The following MKX variants were observed in gnomAD, a reference collection of about 807,000 sequenced individuals.
MKX encodes the protein mohawk homeobox, also known as homeobox protein Mohawk.
A neutral mutation model predicts 36.0 loss-of-function variants in MKX; 13 were observed. The ratio of observed to expected loss-of-function variants is 0.36; its 90% CI spans 0.24 to 0.57. MKX has a LOEUF of 0.57. Among genes scored for constraint, MKX ranks in the 20% least tolerant of loss-of-function variants. MKX has a pLI of 0.79. For missense variants in MKX, 458 were observed against 456.4 expected (o/e 1.00, Z -0.03); for synonymous variants, 176 against 178.3 (o/e 0.99, Z 0.10).
At chr10:27,711,481 T>TTCTCTC (rs1439624521) in intron 5 of MKX, among the ~76,000 whole-genome samples, 7 of 17,682 alleles carry the variant, frequency 4.0e-4, no homozygotes, top group Non-Finnish European at 1.1e-3. Context: ...CTTTCTTTCT[T>TTCTCTC]TCTCTCTCTC....
Position 27,695,962 on chromosome 10 carries a change from T to C in MKX, c.839-20408A>G, listed in dbSNP as rs559509901. 7.6e-4 allele frequency among the ~76,000 whole-genome samples: 115 copies of C among 152,028 alleles called. 1 individual carries two copies. The highest frequency in any genetic ancestry group is 2.7e-3 in the African/African-American group (113 of 41,394). On this transcript the variant is annotated intron_variant, in intron 5 of 6. Transcript: ENST00000419761. ...GGAAATTCCATGCTAACTTTAGTAG[T>C]TATAAAGACACAGAGAAAAATAATA...
At chr10:27,683,680 C>T (rs144303919) in intron 5 of MKX, among the ~76,000 whole-genome samples, 9 of 152,324 alleles carry the variant, frequency 5.9e-5, no homozygotes, top group East Asian at 1.9e-4. Context: ...GCAGAGCCTG[C>T]GTCTAGTGTG....
In MKX at chr10:27,743,446, C is replaced by A. The variant is rs545803611; in HGVS notation, c.-31G>T. 1.2e-5 allele frequency: 18 copies of A among 1,511,388 alleles called. No homozygotes were observed. The highest frequency in any genetic ancestry group is 1.6e-5 in the Non-Finnish European group (18 of 1,133,928). The allele number at this position is 1,511,388 out of a possible 1,614,324, so 93.6% of individuals were successfully genotyped here. A position where few individuals can be genotyped will look rare whatever the true frequency, so the allele number is the denominator to read the frequency against. On this transcript the variant is annotated 5_prime_UTR_variant, in exon 2 of 7. Transcript: ENST00000419761. ...CGGTTGGTAGGGACGCGCGGCGCGG[C>A]CGCAGAGCCTCGGGGCTGGGCCGCC... is the stretch of plus-strand genomic sequence containing the variant.
rs938020107 is a variant in MKX at position 27,741,714 on chromosome 10, G to A, written c.189-210C>T. On this transcript the variant is annotated intron_variant, in intron 2 of 6. Coordinates refer to ENST00000419761, the MANE Select transcript of MKX (RefSeq NM_173576.3). The surrounding 1 kb of genome is among the most constrained non-coding windows in gnomAD (Gnocchi z 5.1). ...GAGATCATTTCGATAGGTTTATCTTGAATAGGGGGATACCTTGAACCCAAT... is the reference window on the plus strand; with the variant it reads ...GAGATCATTTCGATAGGTTTATCTTAAATAGGGGGATACCTTGAACCCAAT... 1.3e-5 allele frequency among the ~76,000 whole-genome samples: 2 copies of A among 152,248 alleles called. No individual in the cohort carries two copies. Among genetic ancestry groups the A allele is most frequent in the African/African-American group, 4.8e-5 (2 of 41,472 alleles).
At chr10:27,700,138 A>G (rs2132524362) in intron 5 of MKX, among the ~76,000 whole-genome samples, 1 of 152,358 alleles carries the variant, frequency 6.6e-6, no homozygotes, top group Non-Finnish European at 1.5e-5. Flanking sequence ...TTGAAACATA[A>G]ATATTTCATT....
At chr10:27,722,266 C>T (rs1341401028) in intron 5 of MKX, among the ~76,000 whole-genome samples, 1 of 152,156 alleles carries the variant, frequency 6.6e-6, no homozygotes, top group African/African-American at 2.4e-5. Context: ...TACCTGTCAC[C>T]AGGGAGGTTT....
intron 5 of MKX, among the ~76,000 whole-genome samples, chr10:27,677,847 T>C (rs1357827112): frequency 6.6e-6 from 1 of 152,162 alleles, no homozygotes; most frequent in African/African-American, 2.4e-5. Context: ...TAGGGATCCT[T>C]TGGGGGAAAT....
At chr10:27,691,241 T>G (rs897675295) in intron 5 of MKX, among the ~76,000 whole-genome samples, 2 of 152,146 alleles carry the variant, frequency 1.3e-5, no homozygotes, top group African/African-American at 4.8e-5. Context: ...AAGGGGAAGG[T>G]TCCTGGATCC....
intron 5 of MKX, among the ~76,000 whole-genome samples, chr10:27,727,979 C>T (rs542125848): frequency 1.3e-5 from 2 of 152,248 alleles, no homozygotes; most frequent in African/African-American, 2.4e-5. Context: ...ATACCTCATT[C>T]CCAGATGGCC....
intron 5 of MKX, among the ~76,000 whole-genome samples, chr10:27,692,742 T>C (rs1279391350): frequency 2.0e-5 from 3 of 152,218 alleles, no homozygotes; most frequent in African/African-American, 7.2e-5. Context: ...TCTTGGAATA[T>C]TTTATTCAGG....
At chr10:27,679,644 G>A (rs1381139295) in intron 5 of MKX, among the ~76,000 whole-genome samples, 1 of 152,166 alleles carries the variant, frequency 6.6e-6, no homozygotes, top group Non-Finnish European at 1.5e-5. Flanking sequence ...AGGAAAGCAA[G>A]GACTCTAAAG....
At chr10:27,675,490 CAGG>C (rs1836129731) in intron 6 of MKX, 28 bp downstream of exon 6, 1 of 1,614,034 alleles carries the variant, frequency 6.2e-7, no homozygotes, top group African/African-American at 1.3e-5. Flanking sequence ...CGCTGAAAAG[CAGG>C]AACGGCCAAT....
At chr10:27,701,251 G>A (rs1212313802) in intron 5 of MKX, among the ~76,000 whole-genome samples, 1 of 137,882 alleles carries the variant, frequency 7.3e-6, no homozygotes, top group Non-Finnish European at 1.6e-5. Context: ...AATAAACAAG[G>A]GTTTTCAAAG....
intron 5 of MKX, among the ~76,000 whole-genome samples, chr10:27,691,199 G>T (rs541895491): frequency 1.3e-5 from 2 of 152,308 alleles, no homozygotes; most frequent in Admixed American, 1.3e-4. Context: ...ATGCTCTAGA[G>T]AAGAGAATGA....
intron 5 of MKX, among the ~76,000 whole-genome samples, chr10:27,727,350 C>T (rs1177306712): frequency 6.6e-6 from 1 of 152,238 alleles, no homozygotes; most frequent in Non-Finnish European, 1.5e-5. Context: ...GGAGCCAGCA[C>T]ACAGCTCATG....
At chr10:27,685,408 T>C (rs559209637) in intron 5 of MKX, among the ~76,000 whole-genome samples, 78 of 151,954 alleles carry the variant, frequency 5.1e-4, no homozygotes, top group African/African-American at 1.7e-3. Flanking sequence ...TCAAGTAAGT[T>C]GTCTTGAGAT....
At chr10:27,701,794 A>G (rs572786294) in intron 5 of MKX, among the ~76,000 whole-genome samples, 12 of 132,642 alleles carry the variant, frequency 9.0e-5, no homozygotes, top group African/African-American at 3.4e-4. Context: ...TAATATAAAA[A>G]TAAGTTTACA....
chr10:27,711,443 C>CT (rs1564356799), intron 5 of MKX, among the ~76,000 whole-genome samples: 2 of 8,872 alleles, frequency 2.3e-4, no homozygotes, highest in African/African-American at 7.0e-4. Flanking sequence ...TTCTTTCTTT[C>CT]TTTCTTTCTT....
chr10:27,724,791 A>ACACACCC (rs775804611), intron 5 of MKX, among the ~76,000 whole-genome samples: 3 of 147,774 alleles, frequency 2.0e-5, no homozygotes, highest in African/African-American at 7.5e-5. Flanking sequence ...ACACACACAC[A>ACACACCC]CCCCGCAGAA....
Sources: gnomAD v4.1 joint callset for allele counts (sites outside exome capture counted in the v4.1 genomes callset) on GRCh38, gnomAD v4.1.1 for gene constraint, Gnocchi (gnomAD v3.1) non-coding constraint, MANE v1.5 for transcripts, NCBI Gene and HGNC (gene_info 2026-07-23, HGNC 2026-07-21) for gene names.